The following GRM7 variants were observed in gnomAD, a reference collection of about 807,000 sequenced individuals.
GRM7 encodes the protein glutamate metabotropic receptor 7.
GRM7 carries 35 observed loss-of-function variants against 84.5 expected under a neutral mutation model. That is an observed-to-expected ratio of 0.41 (90% confidence interval 0.32 to 0.55). The LOEUF (loss-of-function observed/expected upper bound fraction) is 0.55, where lower values mean the gene tolerates loss of function less well. Among genes scored for constraint, GRM7 ranks in the 20% least tolerant of loss-of-function variants. The pLI is 0.19. For synonymous variants in GRM7, 487 were observed against 455.1 expected, an observed-to-expected ratio of 1.07 and a Z score of -0.89; for missense variants, 1,003 against 1,194.6, an observed-to-expected ratio of 0.84 and a Z score of 2.36.
chr3:7,008,994 A>G (rs1049392431), intron 1 of GRM7, among the ~76,000 whole-genome samples: 8 of 152,158 alleles, frequency 5.3e-5, no homozygotes, highest in Admixed American at 2.6e-4. Flanking sequence ...ATATAAAAAG[A>G]TCTTCTCCGA....
intron 1 of GRM7, among the ~76,000 whole-genome samples, chr3:7,058,817 G>T (rs1697325704): frequency 6.6e-6 from 1 of 151,764 alleles, no homozygotes; most frequent in African/African-American, 2.4e-5. Context: ...GTCCTGATTG[G>T]CTAGCAACTT....
intron 1 of GRM7, among the ~76,000 whole-genome samples, chr3:7,081,823 A>T (rs1160872426): frequency 6.6e-6 from 1 of 152,086 alleles, no homozygotes; most frequent in Admixed American, 6.6e-5. Flanking sequence ...GTGGATAGAA[A>T]ATCCAACCAG....
chr3:6,863,821 G>T lies in GRM7; in HGVS notation c.519+1914G>T, dbSNP rs1320402745. ...GTGTTTAGTATTTTAAAATTATTTT[G>T]CCTGTTTCTTCACTCACCCTGGGCA... On this transcript the variant is annotated intron_variant, in intron 1 of 9. Coordinates refer to ENST00000357716, the MANE Select transcript of GRM7 (RefSeq NM_000844.4). This position sits in a 1 kb window ranked among gnomAD's most constrained non-coding sequence, Gnocchi z 4.8. Among the ~76,000 whole-genome samples, 1 of 152,134 alleles carries T rather than the reference G, an allele frequency of 6.6e-6. No homozygotes were observed. The highest frequency in any genetic ancestry group is 1.9e-4 in the East Asian group (1 of 5,188).
chr3:7,299,740 T>C (rs964096648), intron 3 of GRM7, among the ~76,000 whole-genome samples: 1 of 152,136 alleles, frequency 6.6e-6, no homozygotes, highest in Non-Finnish European at 1.5e-5. Context: ...GTACCTATAC[T>C]TCTACTCAGT....
At chr3:6,947,991 T>G (rs548204479) in intron 1 of GRM7, among the ~76,000 whole-genome samples, 7 of 152,110 alleles carry the variant, frequency 4.6e-5, no homozygotes, top group African/African-American at 7.2e-5. Context: ...TTTGTTGATC[T>G]TTTCAAAAAA....
intron 4 of GRM7, among the ~76,000 whole-genome samples, chr3:7,311,537 C>T (rs1700392775): frequency 6.6e-6 from 1 of 152,002 alleles, no homozygotes; most frequent in African/African-American, 2.4e-5. Flanking sequence ...GGCATTTATC[C>T]TCCCTGTATT....
Position 7,123,570 on chromosome 3 carries a change from G to T in GRM7, c.520-22882G>T, listed in dbSNP as rs1468447131. Among the ~76,000 whole-genome samples, 18 of 152,142 alleles carry T rather than the reference G, an allele frequency of 1.2e-4. 1 individual carries two copies. Among genetic ancestry groups the T allele is most frequent in the Admixed American group, 1.0e-3 (16 of 15,282 alleles). ...GGAGGCGGAGGTTGCAGTGAACTGAGATTGCCCCACTGTACTCCAGCCTGG... is the reference window on the plus strand; with the variant it reads ...GGAGGCGGAGGTTGCAGTGAACTGATATTGCCCCACTGTACTCCAGCCTGG... On this transcript the variant is annotated intron_variant, in intron 1 of 9. Coordinates refer to ENST00000357716, the MANE Select transcript of GRM7 (RefSeq NM_000844.4).
At chr3:6,898,165 A>T (rs936977060) in intron 1 of GRM7, among the ~76,000 whole-genome samples, 1 of 152,176 alleles carries the variant, frequency 6.6e-6, no homozygotes, top group Non-Finnish European at 1.5e-5. Context: ...GATAGGATAT[A>T]TATTGTCAGC....
intron 9 of GRM7, among the ~76,000 whole-genome samples, chr3:7,734,415 G>A (rs1702434350): frequency 6.6e-6 from 1 of 152,192 alleles, no homozygotes; most frequent in Non-Finnish European, 1.5e-5. Context: ...GTGAGTAAAT[G>A]TTAAAGTGAA....
chr3:7,304,042 C>T (rs769092499), intron 3 of GRM7, among the ~76,000 whole-genome samples: 11 of 151,654 alleles, frequency 7.3e-5, no homozygotes, highest in South Asian at 2.1e-4. Context: ...TGGTAATGTG[C>T]GGCCTCATAT....
At chr3:6,985,615 C>T (rs534862908) in intron 1 of GRM7, among the ~76,000 whole-genome samples, 54 of 152,292 alleles carry the variant, frequency 3.5e-4, no homozygotes, top group African/African-American at 9.6e-4. Flanking sequence ...AATAGCCCAA[C>T]GTCACATGGC....
chr3:7,222,010 T>C (rs1024742387), intron 2 of GRM7, among the ~76,000 whole-genome samples: 1 of 151,948 alleles, frequency 6.6e-6, no homozygotes, highest in African/African-American at 2.4e-5. Flanking sequence ...GGTTTCACCA[T>C]GTTGACCGGG....
At chr3:7,323,165 C>G (rs1028478438) in intron 4 of GRM7, among the ~76,000 whole-genome samples, 2 of 152,118 alleles carry the variant, frequency 1.3e-5, no homozygotes, top group Non-Finnish European at 2.9e-5. Context: ...TAGCCACAGG[C>G]TGTCTCTAGG....
intron 2 of GRM7, among the ~76,000 whole-genome samples, chr3:7,164,373 A>C (rs9828255): frequency 0.22 from 33,373 of 152,088 alleles, 3,992 homozygotes; most frequent in Middle Eastern, 0.32. Context: ...AAATTAAAAA[A>C]CATAAAAATC....
At chr3:7,153,004 C>T (rs1318163826) in intron 2 of GRM7, among the ~76,000 whole-genome samples, 5 of 152,072 alleles carry the variant, frequency 3.3e-5, no homozygotes, top group African/African-American at 4.8e-5. Context: ...ACAGTAACAG[C>T]AGTAGCAGTA....
intron 2 of GRM7, among the ~76,000 whole-genome samples, chr3:7,259,328 A>G (rs1698322211): frequency 6.6e-6 from 1 of 152,188 alleles, no homozygotes; most frequent in African/African-American, 2.4e-5. Flanking sequence ...TAAGTTTGCT[A>G]TATAGGTAAA....
chr3:7,233,719 G>A (rs1377587186), intron 2 of GRM7, among the ~76,000 whole-genome samples: 1 of 152,018 alleles, frequency 6.6e-6, no homozygotes, highest in Non-Finnish European at 1.5e-5. Context: ...TAGTTTGCAC[G>A]GAGTGTGACT....
intron 1 of GRM7, among the ~76,000 whole-genome samples, chr3:6,925,327 T>G (rs1697261519): frequency 6.6e-6 from 1 of 152,180 alleles, no homozygotes; most frequent in Admixed American, 6.5e-5. Flanking sequence ...ATGCATGAAT[T>G]AATGAATGAA....
chr3:7,572,385 A>T (rs1172003044), intron 7 of GRM7, among the ~76,000 whole-genome samples: 1 of 152,184 alleles, frequency 6.6e-6, no homozygotes, highest in Non-Finnish European at 1.5e-5. Flanking sequence ...CAAACAAATT[A>T]GGAATTACTG....
Sources: allele counts gnomAD v4.1 joint callset (sites outside exome capture counted in the v4.1 genomes callset), GRCh38; gene constraint gnomAD v4.1.1; non-coding constraint Gnocchi (gnomAD v3.1); transcripts MANE v1.5; gene names NCBI Gene and HGNC (gene_info 2026-07-23, HGNC 2026-07-21).